OXR1: variants seen among roughly 807,000 people sequenced by gnomAD.
OXR1 encodes the protein oxidation resistance 1, also known as oxidation resistance protein 1.
A neutral mutation model predicts 104.6 loss-of-function variants in OXR1; 41 were observed. The observed-to-expected ratio is 0.39, with a 90% CI of 0.31 to 0.51. The LOEUF is 0.51. OXR1 is among the 20% of genes least tolerant of loss of function. The pLI is 0.77. For synonymous variants in OXR1, 348 were observed against 348.4 expected (o/e 1.00, Z 0.01); for missense variants, 955 against 1,031.9 (o/e 0.93, Z 1.02).
At chr8:106,718,341 AAGAC>A (rs1832466130) in intron 11 of OXR1, among the ~76,000 whole-genome samples, 1 of 152,324 alleles carries the variant, frequency 6.6e-6, no homozygotes, top group African/African-American at 2.4e-5. Flanking sequence ...AGTCCTATTG[AAGAC>A]AGACAGAAAC....
intron 1 of OXR1, among the ~76,000 whole-genome samples, chr8:106,273,761 T>C (rs1211299669): frequency 1.3e-5 from 2 of 152,208 alleles, no homozygotes; most frequent in Non-Finnish European, 2.9e-5. Context: ...TTAAAGAGGC[T>C]TCCTTTTGGC....
chr8:106,316,781 G>GA (rs753825807), intron 1 of OXR1, among the ~76,000 whole-genome samples: 5 of 143,946 alleles, frequency 3.5e-5, no homozygotes, highest in Non-Finnish European at 6.2e-5. Context: ...TCTATTGCTC[G>GA]AAAGAGAGAG....
chr8:106,702,556 G>C (rs1285843060), intron 7 of OXR1, among the ~76,000 whole-genome samples: 2 of 152,174 alleles, frequency 1.3e-5, no homozygotes, highest in African/African-American at 4.8e-5. Context: ...TACTTGTAGT[G>C]AGGGAATAAC....
At chr8:106,367,411 A>C (rs1816520184) in intron 2 of OXR1, among the ~76,000 whole-genome samples, 1 of 152,152 alleles carries the variant, frequency 6.6e-6, no homozygotes, top group Non-Finnish European at 1.5e-5. Context: ...TTTGAGAATA[A>C]TTTAAAGTTA....
chr8:106,516,157 T>A (rs534340127), intron 2 of OXR1, among the ~76,000 whole-genome samples: 1 of 152,244 alleles, frequency 6.6e-6, no homozygotes, highest in East Asian at 1.9e-4. Flanking sequence ...TCTGAAATGC[T>A]GCTCCCTCAT....
intron 3 of OXR1, among the ~76,000 whole-genome samples, chr8:106,544,889 ATT>A (rs1442777477): frequency 3.9e-5 from 6 of 152,200 alleles, no homozygotes; most frequent in Non-Finnish European, 8.8e-5. Flanking sequence ...GGATTAGCTT[ATT>A]AGAGTTTATT....
In OXR1 at chr8:106,359,462, T is replaced by G; in HGVS notation, c.-138-14T>G. 2 of 628,604 alleles carry G rather than the reference T, an allele frequency of 3.2e-6. No homozygotes were observed. Among genetic ancestry groups the G allele is most frequent in the Non-Finnish European group, 5.7e-6 (2 of 348,230 alleles). 38.9% of individuals were successfully genotyped at this position (628,604 alleles called of 1,614,324 possible). On this transcript the variant is annotated splice_polypyrimidine_tract_variant and intron_variant, in intron 1 of 16. Transcript: ENST00000517566. ...CAGGTACTAGAGATATTCATTTATT[T>G]CTTTTCTTTATAGGTCCTCTCAAAC...
intron 1 of OXR1, among the ~76,000 whole-genome samples, chr8:106,302,838 G>A (rs370415830): frequency 2.4e-4 from 37 of 151,698 alleles, no homozygotes; most frequent in East Asian, 1.8e-3. Context: ...TGCAAGCTCC[G>A]CCTCCCAGGT....
chr8:106,318,987 A>G (rs566024902), intron 1 of OXR1, among the ~76,000 whole-genome samples: 16 of 152,210 alleles, frequency 1.1e-4, no homozygotes, highest in Admixed American at 1.0e-3. Flanking sequence ...TGGATGGACT[A>G]TTTGAATAGT....
intron 9 of OXR1, among the ~76,000 whole-genome samples, chr8:106,708,292 G>A (rs150317234): frequency 5.9e-5 from 9 of 152,156 alleles, no homozygotes; most frequent in Non-Finnish European, 1.2e-4. Context: ...CCAACTACTC[G>A]GGAGACTAAG....
chr8:106,411,908 C>G (rs747290141), intron 2 of OXR1, among the ~76,000 whole-genome samples: 3 of 152,104 alleles, frequency 2.0e-5, no homozygotes, highest in African/African-American at 7.2e-5. Context: ...TTGAACACTT[C>G]GGAGCCAAAG....
chr8:106,350,140 A>G (rs555858550), intron 1 of OXR1, among the ~76,000 whole-genome samples: 3 of 152,174 alleles, frequency 2.0e-5, no homozygotes, highest in African/African-American at 7.2e-5. Flanking sequence ...GCAGACATGA[A>G]AGACGGAGGC....
At chr8:106,292,551 C>T (rs1812799052) in intron 1 of OXR1, among the ~76,000 whole-genome samples, 1 of 152,126 alleles carries the variant, frequency 6.6e-6, no homozygotes, top group African/African-American at 2.4e-5. Context: ...GTACTATCCT[C>T]GGTTTCAGGT....
intron 1 of OXR1, among the ~76,000 whole-genome samples, chr8:106,339,912 C>T (rs1815170418): frequency 6.6e-6 from 1 of 151,922 alleles, no homozygotes; most frequent in Non-Finnish European, 1.5e-5. Flanking sequence ...ATGTAGTAAG[C>T]AATATAAATA....
chr8:106,410,330 C>G (rs1200094875), intron 2 of OXR1, among the ~76,000 whole-genome samples: 2 of 152,166 alleles, frequency 1.3e-5, no homozygotes, highest in African/African-American at 4.8e-5. Flanking sequence ...GAAGCTAACA[C>G]TCCTGTAACT....
At chr8:106,576,026 C>T (rs1398443355) in intron 3 of OXR1, among the ~76,000 whole-genome samples, 1 of 104,614 alleles carries the variant, frequency 9.6e-6, no homozygotes, top group Non-Finnish European at 2.1e-5. Flanking sequence ...ACACACAAAA[C>T]CCTGAAATTA....
At chr8:106,637,637 T>A (rs1323723282) in intron 3 of OXR1, among the ~76,000 whole-genome samples, 1 of 152,198 alleles carries the variant, frequency 6.6e-6, no homozygotes, top group African/African-American at 2.4e-5. Flanking sequence ...AATGTCATTG[T>A]TTATAGACAA....
chr8:106,553,558 G>A (rs1201982754), intron 3 of OXR1, among the ~76,000 whole-genome samples: 3 of 152,046 alleles, frequency 2.0e-5, no homozygotes, highest in African/African-American at 4.8e-5. Flanking sequence ...GAGCTCAAGC[G>A]ATCCACCTGC....
intron 2 of OXR1, among the ~76,000 whole-genome samples, chr8:106,417,000 C>G (rs1276082310): frequency 1.3e-5 from 2 of 152,038 alleles, no homozygotes; most frequent in African/African-American, 2.4e-5. Context: ...GACAAAGAAA[C>G]AAGGTTGATG....
Sources: allele counts gnomAD v4.1 joint callset (sites outside exome capture counted in the v4.1 genomes callset), GRCh38; gene constraint gnomAD v4.1.1; transcripts MANE v1.5; gene names NCBI Gene and HGNC (gene_info 2026-07-23, HGNC 2026-07-21).